Variants in SLC39A11 observed in about 807,000 individuals in gnomAD.
SLC39A11 encodes solute carrier family 39 member 11, also known as zinc transporter ZIP11.
A neutral mutation model predicts 36.1 loss-of-function variants in SLC39A11; 33 were observed. The observed-to-expected ratio is 0.91, with a 90% confidence interval of 0.69 to 1.22. The LOEUF (loss-of-function observed/expected upper bound fraction) is 1.22, where lower values mean the gene tolerates loss of function less well. Among genes scored for constraint, SLC39A11 ranks in the 50% most tolerant of loss-of-function variants. SLC39A11 has a pLI of 0.00. For synonymous variants in SLC39A11, 166 were observed against 170.3 expected, an observed-to-expected ratio of 0.97 and a Z score of 0.20; for missense variants, 432 against 430.3, an observed-to-expected ratio of 1.00 and a Z score of -0.03.
intron 6 of SLC39A11, among the ~76,000 whole-genome samples, chr17:72,779,408 G>C (rs1371009694): frequency 2.0e-5 from 3 of 152,122 alleles, no homozygotes; most frequent in Admixed American, 1.3e-4. Context: ...CCGGGTGACA[G>C]AGTGAGAGTC....
chr17:73,078,866 T>C (rs2144685077), intron 3 of SLC39A11, among the ~76,000 whole-genome samples: 1 of 152,212 alleles, frequency 6.6e-6, no homozygotes, highest in South Asian at 2.1e-4. Context: ...CCCATCATTA[T>C]CCACTTAAAA....
intron 4 of SLC39A11, among the ~76,000 whole-genome samples, chr17:72,954,815 A>G (rs1446948845): frequency 6.6e-6 from 1 of 152,160 alleles, no homozygotes; most frequent in Non-Finnish European, 1.5e-5. Context: ...CCCGGTGATG[A>G]GCAGCCAGCT....
intron 7 of SLC39A11, among the ~76,000 whole-genome samples, chr17:72,651,535 G>A (rs2069852366): frequency 6.6e-6 from 1 of 152,192 alleles, no homozygotes; most frequent in African/African-American, 2.4e-5. Flanking sequence ...ACATGGATAT[G>A]TAACAGAAGT....
In SLC39A11 at chr17:73,052,146, C is replaced by G. The variant is rs370895709; in HGVS notation, c.148-20432G>C. Among the ~76,000 whole-genome samples, 145 of 150,084 alleles carry G rather than the reference C, an allele frequency of 9.7e-4. 5 individuals carry two copies. In the South Asian group the frequency reaches 0.027, roughly 28 times the overall value. On this transcript the variant is annotated intron_variant, in intron 3 of 9. Coordinates refer to ENST00000255559, the MANE Select transcript of SLC39A11 (RefSeq NM_139177.4). Reference sequence around the variant, plus strand: ...TACCGAGTGTTAAGTGCAAGCCCCCCAGTGTTGCTGACAGAGACCAAATCA... The same window carrying G: ...TACCGAGTGTTAAGTGCAAGCCCCCGAGTGTTGCTGACAGAGACCAAATCA...
intron 7 of SLC39A11, among the ~76,000 whole-genome samples, chr17:72,729,434 TATATATATA>T (rs1567994790): frequency 4.3e-3 from 15 of 3,472 alleles, no homozygotes; most frequent in East Asian, 0.015. Context: ...TATATATATA[TATATATATA>T]TATATATATA....
intron 7 of SLC39A11, among the ~76,000 whole-genome samples, chr17:72,713,316 T>C (rs1225256124): frequency 6.6e-6 from 1 of 152,158 alleles, no homozygotes; most frequent in Non-Finnish European, 1.5e-5. Flanking sequence ...CATCTCCCTG[T>C]TTCTCCATCC....
chr17:72,944,344 T>G (rs918940184), intron 5 of SLC39A11, among the ~76,000 whole-genome samples: 1 of 152,122 alleles, frequency 6.6e-6, no homozygotes, highest in Admixed American at 6.5e-5. Flanking sequence ...AGTAAGAGAA[T>G]CAACTGATTC....
intron 6 of SLC39A11, among the ~76,000 whole-genome samples, chr17:72,740,056 CTTTTTTTTT>C (rs386386565): frequency 7.4e-5 from 6 of 81,460 alleles, no homozygotes; most frequent in Non-Finnish European, 1.1e-4. Flanking sequence ...CTTTCCTTTT[CTTTTTTTTT>C]TTTTTTTTTT....
intron 5 of SLC39A11, among the ~76,000 whole-genome samples, chr17:72,864,876 A>G (rs2080223867): frequency 6.6e-6 from 1 of 152,228 alleles, no homozygotes; most frequent in Non-Finnish European, 1.5e-5. Flanking sequence ...GATGCAGAAG[A>G]AAGGCTGTTC....
intron 6 of SLC39A11, among the ~76,000 whole-genome samples, chr17:72,785,051 A>G (rs1028793138): frequency 2.0e-5 from 3 of 152,042 alleles, no homozygotes; most frequent in Non-Finnish European, 2.9e-5. Flanking sequence ...TATTTTTAGT[A>G]GAGATGGAGT....
intron 5 of SLC39A11, among the ~76,000 whole-genome samples, chr17:72,908,063 T>G (rs963104170): frequency 1.3e-5 from 2 of 152,230 alleles, no homozygotes; most frequent in East Asian, 3.9e-4. Context: ...TAGTTCCTCC[T>G]TCTCCCTGAA....
At chr17:72,775,231 AC>A (rs1365752497) in intron 6 of SLC39A11, among the ~76,000 whole-genome samples, 5 of 152,004 alleles carry the variant, frequency 3.3e-5, no homozygotes, top group East Asian at 1.9e-4. Context: ...ACCACTGAGG[AC>A]CCCCTTGCAG....
At chr17:72,767,492 A>G (rs980829468) in intron 6 of SLC39A11, among the ~76,000 whole-genome samples, 2 of 152,228 alleles carry the variant, frequency 1.3e-5, no homozygotes, top group African/African-American at 2.4e-5. Context: ...GACAGAGCAG[A>G]CAAAATCAAT....
chr17:72,672,440 C>T (rs1298669757), intron 7 of SLC39A11, among the ~76,000 whole-genome samples: 1 of 152,134 alleles, frequency 6.6e-6, no homozygotes, highest in African/African-American at 2.4e-5. Flanking sequence ...CAGAGTGAAA[C>T]TCTGTCTCAA....
At chr17:72,948,342 G>T (rs36140880) in intron 4 of SLC39A11, among the ~76,000 whole-genome samples, 9 of 149,430 alleles carry the variant, frequency 6.0e-5, no homozygotes, top group Admixed American at 1.3e-4. Flanking sequence ...CGTCATCGCC[G>T]CACGCACACA....
chr17:72,912,376 G>A (rs116973180), intron 5 of SLC39A11, among the ~76,000 whole-genome samples: 2,542 of 151,886 alleles, frequency 0.017, 17 homozygotes, highest in Non-Finnish European at 0.026. Flanking sequence ...AGAAGGTGGT[G>A]CCCCAAGTCA....
chr17:73,069,099 G>A (rs1184560334), intron 3 of SLC39A11, among the ~76,000 whole-genome samples: 1 of 151,944 alleles, frequency 6.6e-6, no homozygotes, highest in Non-Finnish European at 1.5e-5. Context: ...TGTTCCCTCT[G>A]CCTGTAACGC....
intron 7 of SLC39A11, among the ~76,000 whole-genome samples, chr17:72,721,639 T>C (rs1418464015): frequency 1.3e-5 from 2 of 151,842 alleles, no homozygotes; most frequent in African/African-American, 4.9e-5. Flanking sequence ...AAGGCCCTTG[T>C]CATGATGATG....
At chr17:72,880,704 CAG>C (rs748425019) in intron 5 of SLC39A11, among the ~76,000 whole-genome samples, 5 of 150,872 alleles carry the variant, frequency 3.3e-5, no homozygotes, top group Non-Finnish European at 5.9e-5. Context: ...CTTTTTCAGA[CAG>C]AGTCTCGCTC....
Sources: allele counts gnomAD v4.1 joint callset (sites outside exome capture counted in the v4.1 genomes callset), GRCh38; gene constraint gnomAD v4.1.1; transcripts MANE v1.5; gene names NCBI Gene and HGNC (gene_info 2026-07-23, HGNC 2026-07-21).